N4BP2L2: variants seen among roughly 807,000 people sequenced by gnomAD.
The protein encoded by N4BP2L2 is NEDD4-binding protein 2-like 2.
Under a neutral mutation model 56.2 loss-of-function variants are expected in N4BP2L2, and 50 were observed. The ratio of observed to expected loss-of-function variants is 0.89; its 90% CI spans 0.71 to 1.13. The LOEUF is 1.13. N4BP2L2 is among the 50% of genes most tolerant of loss of function. The pLI, the probability that N4BP2L2 is intolerant of heterozygous loss-of-function variation, is 0.00. For missense variants in N4BP2L2, 689 were observed against 693.8 expected (o/e 0.99, Z 0.08); for synonymous variants, 203 against 223.6 (o/e 0.91, Z 0.82).
At chr13:32,450,448 C>T (rs1309953985) in intron 6 of N4BP2L2, among the ~76,000 whole-genome samples, 1 of 151,614 alleles carries the variant, frequency 6.6e-6, no homozygotes, top group African/African-American at 2.4e-5. Flanking sequence ...CCTCAGCCTC[C>T]CAAGTAGCTG....
rs554648773 is a variant in N4BP2L2 at position 32,490,125 on chromosome 13, A to C, written c.365+27732T>G. 1.1e-3 allele frequency: 163 copies of C among 151,776 alleles called. 1 individual carries two copies. The highest frequency in any genetic ancestry group is 1.6e-3 in the Non-Finnish European group (112 of 67,968). 9.4% of individuals were successfully genotyped at this position (151,776 alleles called of 1,614,324 possible). The stretch of plus-strand genomic sequence containing the variant: ...AAGCACTCTTTCTCCTCCTCCTCCT[A>C]CTTTTTCTCCTTAATACTTATCACC... On this transcript the variant is annotated intron_variant, in intron 6 of 9. Coordinates refer to the N4BP2L2 transcript ENST00000357505.
chr13:32,472,881 C>T (rs964904822), intron 6 of N4BP2L2, among the ~76,000 whole-genome samples: 6 of 152,122 alleles, frequency 3.9e-5, no homozygotes, highest in Admixed American at 2.0e-4. Flanking sequence ...TAATATGTAC[C>T]TACTAAGCAC....
intron 2 of N4BP2L2, among the ~76,000 whole-genome samples, chr13:32,527,945 C>T (rs113306934): frequency 0.017 from 2,552 of 151,992 alleles, 72 homozygotes; most frequent in African/African-American, 0.058. Context: ...CTAATTTTTG[C>T]ATTTTTAGTA....
At chr13:32,528,173 A>G (rs762743605) in intron 2 of N4BP2L2, among the ~76,000 whole-genome samples, 8 of 152,230 alleles carry the variant, frequency 5.3e-5, no homozygotes, top group Non-Finnish European at 1.2e-4. Flanking sequence ...TCACTTTAGT[A>G]TATTTTTATT....
At chr13:32,464,063 T>C (rs1473853043) in intron 6 of N4BP2L2, among the ~76,000 whole-genome samples, 2 of 150,158 alleles carry the variant, frequency 1.3e-5, no homozygotes, top group East Asian at 3.9e-4. Context: ...CATAGGTAAA[T>C]ATAAAAGTCA....
At chr13:32,511,300 T>C (rs982984308) in exon 6 of N4BP2L2, 3 of 152,160 alleles carry the variant, frequency 2.0e-5, no homozygotes, top group Non-Finnish European at 4.4e-5. Context: ...AAGGAACCAC[T>C]TGTAAAAATT....
At chr13:32,496,127 G>A (rs1201774626) in intron 6 of N4BP2L2, among the ~76,000 whole-genome samples, 1 of 152,114 alleles carries the variant, frequency 6.6e-6, no homozygotes, top group Non-Finnish European at 1.5e-5. Flanking sequence ...CTGGCAGACT[G>A]GGCCACCACA....
exon 6 of N4BP2L2, chr13:32,516,988 T>C (rs2049370798): frequency 6.2e-6 from 6 of 971,768 alleles, no homozygotes; most frequent in Non-Finnish European, 6.1e-6. Flanking sequence ...AAATTAGTAC[T>C]AGAAGATATT....
At chr13:32,514,390 T>C (rs1174797675) in exon 6 of N4BP2L2, 3 of 152,210 alleles carry the variant, frequency 2.0e-5, no homozygotes, top group African/African-American at 7.2e-5. Flanking sequence ...AATTTAATCT[T>C]ACTGAACCAA....
chr13:32,524,639 A>G (rs2052115382), intron 3 of N4BP2L2: 1 of 152,256 alleles, frequency 6.6e-6, no homozygotes, highest in African/African-American at 2.4e-5. Context: ...TAGCATTTAA[A>G]TATATTCAAG....
intron 6 of N4BP2L2, among the ~76,000 whole-genome samples, chr13:32,469,563 G>T (rs2081914731): frequency 6.6e-6 from 1 of 152,198 alleles, no homozygotes; most frequent in Non-Finnish European, 1.5e-5. Flanking sequence ...GGCCCCAAAG[G>T]TAGGCCTAGG....
At chr13:32,433,413 C>G (rs189411943) in intron 9 of N4BP2L2, among the ~76,000 whole-genome samples, 1 of 151,624 alleles carries the variant, frequency 6.6e-6, no homozygotes, top group Non-Finnish European at 1.5e-5. Context: ...GGCAGATCAC[C>G]TGAGGTCAGG....
At chr13:32,495,036 G>A (rs1347755498) in intron 6 of N4BP2L2, among the ~76,000 whole-genome samples, 2 of 152,126 alleles carry the variant, frequency 1.3e-5, no homozygotes, top group Non-Finnish European at 2.9e-5. Flanking sequence ...GATAGAGGGT[G>A]TAAATTCTAG....
chr13:32,486,334 G>C (rs1259504492), intron 6 of N4BP2L2, among the ~76,000 whole-genome samples: 1 of 152,082 alleles, frequency 6.6e-6, no homozygotes, highest in Non-Finnish European at 1.5e-5. Flanking sequence ...CAGATAATAG[G>C]ATCTCATACA....
At chr13:32,440,507 C>A (rs2076146204) in intron 7 of N4BP2L2, among the ~76,000 whole-genome samples, 1 of 152,138 alleles carries the variant, frequency 6.6e-6, no homozygotes, top group African/African-American at 2.4e-5. Flanking sequence ...TACTCTATCA[C>A]CCAGGCTGGA....
chr13:32,498,653 T>G (rs1414094440), intron 6 of N4BP2L2, among the ~76,000 whole-genome samples: 1 of 151,932 alleles, frequency 6.6e-6, no homozygotes, highest in Non-Finnish European at 1.5e-5. Flanking sequence ...TAGTAATCAC[T>G]TCTTTATTAT....
At position 32,443,208 on chromosome 13, in the gene N4BP2L2, C is replaced by CT; in HGVS notation, c.1283_1284insA (p.Ile429AspfsTer4). 6.2e-7 allele frequency: 1 copy of CT among 1,613,862 alleles called. No homozygotes were observed. On this transcript the variant is annotated frameshift_variant, in exon 7 of 10. Transcript: ENST00000357505. LOFTEE classifies it high-confidence loss of function. Reference sequence around the variant, plus strand: ...GAGGTGAAAAATCTTCATTTCCTATCAGTAGTTTGTCTGTCAATATTTCTG... The same window carrying CT: ...GAGGTGAAAAATCTTCATTTCCTATCTAGTAGTTTGTCTGTCAATATTTCTG...
chr13:32,538,697 A>G (rs949444474), exon 1 of N4BP2L2: 3 of 985,400 alleles, frequency 3.0e-6, no homozygotes, highest in African/African-American at 1.7e-5. Flanking sequence ...GTGAAGGTGA[A>G]AGAAAAGCGG....
chr13:32,458,138 C>T (rs952111806), intron 6 of N4BP2L2, among the ~76,000 whole-genome samples: 15 of 152,138 alleles, frequency 9.9e-5, no homozygotes, highest in Non-Finnish European at 2.2e-4. Flanking sequence ...GATCTCGGCT[C>T]ACTGTCAGCT....
Sources: gnomAD v4.1 joint callset for allele counts (sites outside exome capture counted in the v4.1 genomes callset) on GRCh38, gnomAD v4.1.1 for gene constraint, MANE v1.5 for transcripts, NCBI Gene and HGNC (gene_info 2026-07-23, HGNC 2026-07-21) for gene names.